The following TAF3 variants were observed in gnomAD, a reference collection of about 807,000 sequenced individuals.
The protein encoded by TAF3 is TATA-box binding protein associated factor 3, also known as transcription initiation factor TFIID subunit 3.
Under a neutral mutation model 80.6 loss-of-function variants are expected in TAF3, and 7 were observed. The observed-to-expected ratio is 0.09, with a 90% confidence interval of 0.05 to 0.16. The LOEUF (loss-of-function observed/expected upper bound fraction) is 0.16. Ranked by LOEUF, TAF3 falls within the 10% of genes least tolerant of loss-of-function variation. TAF3 has a pLI of 1.00. For synonymous variants in TAF3, 444 were observed against 446.1 expected, an observed-to-expected ratio of 1.00 and a Z score of 0.06; for missense variants, 921 against 1,140.2, an observed-to-expected ratio of 0.81 and a Z score of 2.77.
rs1832028033 is a variant in TAF3, at chr10:8,009,211, C to T, written c.2449C>T (p.Leu817=). The change falls in exon 5 of 7, where the codon CTG becomes TTG. Residue 817 remains leucine, a synonymous_variant. Coordinates refer to ENST00000344293, the MANE Select transcript of TAF3 (RefSeq NM_031923.4). The surrounding 1 kb of genome is among the most constrained non-coding windows in gnomAD (Gnocchi z 4.1). ...LVSPAPVPLP[L]LAQAAAGPAL... Reference sequence around the variant, plus strand: ...CAGCCCTGCGCCCGTGCCGCTGCCGCTGCTCGCCCAGGCCGCCGCGGGCCC... The same window carrying T: ...CAGCCCTGCGCCCGTGCCGCTGCCGTTGCTCGCCCAGGCCGCCGCGGGCCC... The T allele has an allele frequency of 6.9e-7, 1 of 1,451,198 alleles. No homozygotes were observed. The highest frequency in any genetic ancestry group is 3.1e-5 in the East Asian group (1 of 32,020). 89.9% of individuals were successfully genotyped at this position (1,451,198 alleles called of 1,614,324 possible). A position where few individuals can be genotyped will look rare whatever the true frequency, so the allele number is the denominator to read the frequency against.
At chr10:7,995,067 T>G (rs775352469) in intron 4 of TAF3, among the ~76,000 whole-genome samples, 38 of 151,450 alleles carry the variant, frequency 2.5e-4, no homozygotes, top group Non-Finnish European at 5.0e-4. Context: ...TTATATAAAA[T>G]AGCCTAAAAG....
At chr10:7,824,995 A>G (rs892735386) in intron 2 of TAF3, among the ~76,000 whole-genome samples, 4 of 152,242 alleles carry the variant, frequency 2.6e-5, no homozygotes, top group Non-Finnish European at 4.4e-5. Flanking sequence ...GTATTCAGTG[A>G]CATTGTGTAG....
At chr10:7,901,678 T>G (rs1244988594) in intron 2 of TAF3, among the ~76,000 whole-genome samples, 2 of 152,230 alleles carry the variant, frequency 1.3e-5, no homozygotes, top group Non-Finnish European at 2.9e-5. Context: ...GTGTTGGAAT[T>G]AACATCTAAA....
chr10:7,853,578 G>A (rs540578984), intron 2 of TAF3, among the ~76,000 whole-genome samples: 1 of 152,338 alleles, frequency 6.6e-6, no homozygotes, highest in East Asian at 1.9e-4. Context: ...CAAAGAAGTT[G>A]CTCACATCAT....
intron 2 of TAF3, among the ~76,000 whole-genome samples, chr10:7,886,303 TC>T (rs932426200): frequency 6.6e-6 from 1 of 152,202 alleles, no homozygotes; most frequent in Non-Finnish European, 1.5e-5. Flanking sequence ...AGTGTTTCAT[TC>T]CCTTCTGAAG....
At chr10:7,849,083 A>G (rs1298857572) in intron 2 of TAF3, among the ~76,000 whole-genome samples, 2 of 152,212 alleles carry the variant, frequency 1.3e-5, no homozygotes, top group Non-Finnish European at 2.9e-5. Context: ...ATGAACCGCA[A>G]CAACACTTAC....
chr10:7,855,169 T>G (rs995105151), intron 2 of TAF3, among the ~76,000 whole-genome samples: 1 of 152,194 alleles, frequency 6.6e-6, no homozygotes, highest in Non-Finnish European at 1.5e-5. Context: ...TGCGGAAACC[T>G]AAGACCCATC....
intron 2 of TAF3, among the ~76,000 whole-genome samples, chr10:7,869,058 C>T (rs1037586877): frequency 1.3e-5 from 2 of 152,060 alleles, no homozygotes; most frequent in African/African-American, 4.8e-5. Flanking sequence ...CATCGTAGAA[C>T]AATTCCCTAT....
chr10:7,925,188 T>A (rs927348467), intron 2 of TAF3, among the ~76,000 whole-genome samples: 1 of 152,214 alleles, frequency 6.6e-6, no homozygotes, highest in African/African-American at 2.4e-5. Context: ...ACTAGAATTG[T>A]AGTTCTTTGC....
rs532026978 is a variant in TAF3, at chr10:7,822,387, A to G, written c.167-1931A>G. Among the ~76,000 whole-genome samples the G allele has an allele frequency of 1.1e-4, 17 of 152,274 alleles. No homozygotes were observed. The South Asian group carries it at 2.9e-3, about 26-fold the overall frequency. On this transcript the variant is annotated intron_variant, in intron 1 of 6. Transcript: ENST00000344293. ...GAGAGTAATAATAGCTTTAATAGGA[A>G]TAGAAGAGATGAAATGCCTGTTTAC...
intron 3 of TAF3, among the ~76,000 whole-genome samples, chr10:7,966,975 A>G (rs991981193): frequency 1.3e-5 from 2 of 152,218 alleles, no homozygotes; most frequent in African/African-American, 4.8e-5. Context: ...ATTTATTATT[A>G]TGCAATTTCT....
At chr10:7,853,127 C>A (rs1303033377) in intron 2 of TAF3, among the ~76,000 whole-genome samples, 1 of 152,124 alleles carries the variant, frequency 6.6e-6, no homozygotes, top group Non-Finnish European at 1.5e-5. Context: ...AATATTCAGT[C>A]AGTTTATAGG....
Position 8,009,116 on chromosome 10 carries a change from C to T in TAF3, c.2354C>T (p.Pro785Leu), listed in dbSNP as rs200868570. 25 of 1,600,638 alleles carry T rather than the reference C, an allele frequency of 1.6e-5. No individual in the cohort carries two copies. Among genetic ancestry groups the T allele is most frequent in the Middle Eastern group, 1.7e-4 (1 of 6,034 alleles). ...SKVVPAPEAKPAPSQNRPKTP... is the reference protein window; with the variant it reads ...SKVVPAPEAKLAPSQNRPKTP... ...GTGGTCCCTGCCCCCGAGGCCAAGC[C>T]GGCGCCCTCGCAGAACAGGCCGAAG... is the stretch of plus-strand genomic sequence containing the variant. Residue 785 changes from proline to leucine, a missense_variant, in exon 5 of 7, where the codon CCG becomes CTG. Physicochemically the swap from Pro to Leu is moderately conservative, Grantham distance 98. Coordinates refer to ENST00000344293, the MANE Select transcript of TAF3 (RefSeq NM_031923.4). This position sits in a 1 kb window ranked among gnomAD's most constrained non-coding sequence, Gnocchi z 4.1.
At chr10:7,890,813 TTAGTC>T (rs1300949880) in intron 2 of TAF3, among the ~76,000 whole-genome samples, 1 of 152,234 alleles carries the variant, frequency 6.6e-6, no homozygotes, top group Non-Finnish European at 1.5e-5. Context: ...TCCCAAGTGA[TTAGTC>T]TATATCAACT....
chr10:7,826,873 G>A (rs529765066), intron 2 of TAF3, among the ~76,000 whole-genome samples: 2 of 152,198 alleles, frequency 1.3e-5, no homozygotes, highest in East Asian at 1.9e-4. Flanking sequence ...GGTACAGCAT[G>A]TTAGAAAGTT....
chr10:7,956,975 A>G (rs1430811657), intron 2 of TAF3, among the ~76,000 whole-genome samples: 1 of 152,030 alleles, frequency 6.6e-6, no homozygotes, highest in South Asian at 2.1e-4. Flanking sequence ...TACTAGAACT[A>G]TAGGGGTTAT....
chr10:7,979,362 GAA>G (rs5783007), intron 4 of TAF3, among the ~76,000 whole-genome samples: 3,118 of 134,748 alleles, frequency 0.023, 40 homozygotes, highest in South Asian at 0.056. Context: ...AAAAAAAAAT[GAA>G]AAAAAAAAAA....
At chr10:7,879,006 G>A (rs898805025) in intron 2 of TAF3, among the ~76,000 whole-genome samples, 4 of 152,050 alleles carry the variant, frequency 2.6e-5, no homozygotes, top group Admixed American at 2.0e-4. Context: ...GGGATTACAG[G>A]CATAAGTCAC....
chr10:7,962,619 A>G (rs7922353), intron 2 of TAF3, among the ~76,000 whole-genome samples: 1 of 151,928 alleles, frequency 6.6e-6, no homozygotes, highest in Non-Finnish European at 1.5e-5. Context: ...ACCTTCATCT[A>G]TTTGTCATCT....
Sources: gnomAD v4.1 joint callset for allele counts (sites outside exome capture counted in the v4.1 genomes callset) on GRCh38, gnomAD v4.1.1 for gene constraint, Gnocchi (gnomAD v3.1) non-coding constraint, MANE v1.5 for transcripts, NCBI Gene and HGNC (gene_info 2026-07-23, HGNC 2026-07-21) for gene names.